MACROD2: variants seen among roughly 807,000 people sequenced by gnomAD.
MACROD2 encodes mono-ADP ribosylhydrolase 2.
Under a neutral mutation model 70.4 loss-of-function variants are expected in MACROD2, and 36 were observed. The observed-to-expected ratio is 0.51, with a 90% CI of 0.39 to 0.68. The LOEUF is 0.68. Ranked by LOEUF, MACROD2 falls within the 30% of genes least tolerant of loss-of-function variation. The pLI is 0.00. For missense variants in MACROD2, 496 were observed against 538.4 expected (o/e 0.92, Z 0.78); for synonymous variants, 172 against 178.8 (o/e 0.96, Z 0.30).
intron 3 of MACROD2, among the ~76,000 whole-genome samples, chr20:14,182,037 T>C (rs1434983456): frequency 1.3e-5 from 2 of 152,210 alleles, no homozygotes; most frequent in Non-Finnish European, 2.9e-5. Flanking sequence ...GCTAACTCTA[T>C]GTTTAACCTT....
chr20:15,174,715 A>G (rs551328078), intron 5 of MACROD2, among the ~76,000 whole-genome samples: 1 of 152,326 alleles, frequency 6.6e-6, no homozygotes, highest in East Asian at 1.9e-4. Context: ...GTGAGATGGT[A>G]TCTCACTGTG....
chr20:15,816,270 G>A (rs1469447725), intron 8 of MACROD2, among the ~76,000 whole-genome samples: 2 of 152,038 alleles, frequency 1.3e-5, no homozygotes, highest in African/African-American at 4.8e-5. Context: ...AGCAAATAAT[G>A]TTTTCTGTAA....
At chr20:14,602,782 A>G (rs1982578993) in intron 4 of MACROD2, among the ~76,000 whole-genome samples, 1 of 152,224 alleles carries the variant, frequency 6.6e-6, no homozygotes, top group Non-Finnish European at 1.5e-5. Context: ...AGTTAAATAA[A>G]TTAGTTTGTC....
At chr20:15,895,762 C>T (rs939823158) in intron 10 of MACROD2, among the ~76,000 whole-genome samples, 13 of 152,152 alleles carry the variant, frequency 8.5e-5, no homozygotes, top group African/African-American at 3.1e-4. Context: ...CAGGATGGGC[C>T]GGGGGCTCAG....
chr20:14,037,886 G>T lies in MACROD2; in HGVS notation c.163+35482G>T, dbSNP rs6131547. 7.0e-3 allele frequency among the ~76,000 whole-genome samples: 1,064 copies of T among 152,130 alleles called. 72 individuals carry two copies. The East Asian group carries it at 0.15, about 22-fold the overall frequency. Reference sequence around the variant, plus strand: ...GAAAATTAGCCCAGCATGGTGGTGCGAGCCTGTAGCCTCGGCTACTCAGGA... The same window carrying T: ...GAAAATTAGCCCAGCATGGTGGTGCTAGCCTGTAGCCTCGGCTACTCAGGA... On this transcript the variant is annotated intron_variant, in intron 2 of 17. Coordinates refer to ENST00000684519, the MANE Select transcript of MACROD2 (RefSeq NM_001351661.2).
chr20:14,010,428 A>G (rs1265365856), intron 2 of MACROD2, among the ~76,000 whole-genome samples: 1 of 152,120 alleles, frequency 6.6e-6, no homozygotes, highest in East Asian at 1.9e-4. Context: ...GGAGGCAGGC[A>G]TGCGTGATGC....
chr20:14,305,414 G>A (rs1169498242), intron 3 of MACROD2, among the ~76,000 whole-genome samples: 1 of 151,986 alleles, frequency 6.6e-6, no homozygotes, highest in Non-Finnish European at 1.5e-5. Flanking sequence ...ATTATCAATG[G>A]TGATTAGAAC....
intron 5 of MACROD2, among the ~76,000 whole-genome samples, chr20:15,149,206 T>A (rs1447319718): frequency 1.3e-5 from 2 of 152,024 alleles, no homozygotes; most frequent in East Asian, 3.9e-4. Flanking sequence ...TGAGGAGTAG[T>A]AGAATAGCAG....
chr20:14,125,094 A>C (rs1268278762), intron 3 of MACROD2, among the ~76,000 whole-genome samples: 1 of 152,184 alleles, frequency 6.6e-6, no homozygotes, highest in African/African-American at 2.4e-5. Context: ...TGAACTATCC[A>C]GAATAGATAA....
chr20:15,855,325 A>C (rs1266148331), intron 8 of MACROD2, among the ~76,000 whole-genome samples: 2 of 152,206 alleles, frequency 1.3e-5, no homozygotes, highest in East Asian at 1.9e-4. Context: ...ACTGTGGATT[A>C]ATAGATATCT....
At chr20:14,701,453 G>A (rs1393935206) in intron 5 of MACROD2, among the ~76,000 whole-genome samples, 3 of 152,208 alleles carry the variant, frequency 2.0e-5, no homozygotes, top group East Asian at 1.9e-4. Context: ...TTGCCTCATC[G>A]GTGATGCCAC....
At chr20:15,940,137 A>G (rs6080035) in intron 12 of MACROD2, among the ~76,000 whole-genome samples, 5,658 of 152,250 alleles carry the variant, frequency 0.037, 136 homozygotes, top group African/African-American at 0.055. Flanking sequence ...CTTGTTGCCC[A>G]GGCTGGAGTG....
At chr20:14,090,747 C>T (rs552494624) in intron 3 of MACROD2, among the ~76,000 whole-genome samples, 59 of 152,236 alleles carry the variant, frequency 3.9e-4, no homozygotes, top group African/African-American at 1.3e-3. Flanking sequence ...ATCCCTTTGA[C>T]ATACTTTTCA....
intron 5 of MACROD2, among the ~76,000 whole-genome samples, chr20:14,815,020 A>C (rs1253065332): frequency 6.6e-6 from 1 of 152,092 alleles, no homozygotes; most frequent in East Asian, 1.9e-4. Context: ...AATGACCTGG[A>C]ATTTTGCAAA....
At chr20:14,832,034 G>GTT (rs1180071947) in intron 5 of MACROD2, among the ~76,000 whole-genome samples, 1,763 of 63,688 alleles carry the variant, frequency 0.028, 293 homozygotes, top group Middle Eastern at 0.048. Flanking sequence ...GCCTTTGCGA[G>GTT]TTTTTTTTTT....
intron 5 of MACROD2, among the ~76,000 whole-genome samples, chr20:14,863,225 G>T (rs1317965190): frequency 6.6e-6 from 1 of 152,032 alleles, no homozygotes; most frequent in Non-Finnish European, 1.5e-5. Flanking sequence ...AACTGCACTT[G>T]CAGTTTTGCC....
chr20:14,909,675 C>T (rs956443343), intron 5 of MACROD2, among the ~76,000 whole-genome samples: 3 of 151,966 alleles, frequency 2.0e-5, no homozygotes, highest in African/African-American at 7.3e-5. Flanking sequence ...ATAAACCTTC[C>T]AGTTCTAACT....
intron 3 of MACROD2, among the ~76,000 whole-genome samples, chr20:14,169,708 C>T (rs2081203673): frequency 6.6e-6 from 1 of 152,110 alleles, no homozygotes. Flanking sequence ...ATTCCTGCCT[C>T]CCATCCTTTA....
At chr20:15,830,068 G>C (rs1006442387) in intron 8 of MACROD2, among the ~76,000 whole-genome samples, 1 of 152,218 alleles carries the variant, frequency 6.6e-6, no homozygotes, top group Admixed American at 6.5e-5. Context: ...AAAGGTGCCA[G>C]ACAATTAAGG....
Sources: gnomAD v4.1 joint callset for allele counts (sites outside exome capture counted in the v4.1 genomes callset) on GRCh38, gnomAD v4.1.1 for gene constraint, MANE v1.5 for transcripts, NCBI Gene and HGNC (gene_info 2026-07-23, HGNC 2026-07-21) for gene names.